Variants in KCTD5 observed in about 807,000 individuals in gnomAD.
KCTD5 encodes BTB/POZ domain-containing protein KCTD5.
A neutral mutation model predicts 27.9 loss-of-function variants in KCTD5; 12 were observed. The observed-to-expected ratio is 0.43, with a 90% CI of 0.28 to 0.70. The LOEUF (loss-of-function observed/expected upper bound fraction) is 0.70, where lower values mean the gene tolerates loss of function less well. Among genes scored for constraint, KCTD5 ranks in the 30% least tolerant of loss-of-function variants. The pLI is 0.19. For synonymous variants in KCTD5, 147 were observed against 121.4 expected (o/e 1.21, Z -1.39); for missense variants, 226 against 274.8 (o/e 0.82, Z 1.26).
At chr16:2,692,854 T>G (rs1011962443) in intron 1 of KCTD5, among the ~76,000 whole-genome samples, 4 of 152,242 alleles carry the variant, frequency 2.6e-5, no homozygotes, top group African/African-American at 9.6e-5. Flanking sequence ...AGCAGGCACT[T>G]CTGAGCCTGC....
At chr16:2,700,815 T>C (rs2067608339) in intron 4 of KCTD5, among the ~76,000 whole-genome samples, 1 of 133,434 alleles carries the variant, frequency 7.5e-6, no homozygotes, top group African/African-American at 2.9e-5. Flanking sequence ...CCCCCCCCCC[T>C]TAAAATGTCA....
At position 2,702,333 on chromosome 16, in the gene KCTD5, C is replaced by T. The variant is rs752313927; in HGVS notation, c.550-20C>T. 7 of 1,613,202 alleles carry T rather than the reference C, an allele frequency of 4.3e-6. No homozygotes were observed. In the Admixed American group the frequency reaches 6.7e-5, roughly 15 times the overall value. On this transcript the variant is annotated intron_variant, in intron 4 of 5. Coordinates refer to ENST00000301738, the MANE Select transcript of KCTD5 (RefSeq NM_018992.4). Reference sequence around the variant, plus strand: ...TCTCAGGCTTCACTGGGCTGCGTCTCAGGCTATGTCTCCTTGCAGTTGGTC... The same window carrying T: ...TCTCAGGCTTCACTGGGCTGCGTCTTAGGCTATGTCTCCTTGCAGTTGGTC...
chr16:2,688,462 G>A (rs1185161019), intron 1 of KCTD5, among the ~76,000 whole-genome samples: 1 of 151,988 alleles, frequency 6.6e-6, no homozygotes, highest in African/African-American at 2.4e-5. Flanking sequence ...TGTTGGCCAG[G>A]CTGGTCTCGA....
chr16:2,707,562 G>C lies in KCTD5; in HGVS notation c.*235G>C, dbSNP rs1309044554. On this transcript the variant is annotated 3_prime_UTR_variant, in exon 6 of 6. Coordinates refer to ENST00000301738, the MANE Select transcript of KCTD5 (RefSeq NM_018992.4). The stretch of plus-strand genomic sequence containing the variant: ...GCGGCCGGGTGGGCGCTGCCTCTTG[G>C]GGGGGCCTCGCTCTGTTTTTTCCAA... 36 of 633,330 alleles carry C rather than the reference G, an allele frequency of 5.7e-5. No individual in the cohort carries two copies. In the East Asian group the frequency reaches 7.9e-4, roughly 14 times the overall value. The allele number at this position is 633,330 out of a possible 1,614,324, so 39.2% of individuals were successfully genotyped here.
chr16:2,702,351 A>C lies in KCTD5; in HGVS notation c.550-2A>C. 6.2e-7 allele frequency: 1 copy of C among 1,613,392 alleles called. No individual in the cohort carries two copies. The highest frequency in any genetic ancestry group is 8.5e-7 in the Non-Finnish European group (1 of 1,179,916). On this transcript the variant is annotated splice_acceptor_variant, in intron 4 of 5. Coordinates refer to ENST00000301738, the MANE Select transcript of KCTD5 (RefSeq NM_018992.4). LOFTEE classifies it high-confidence loss of function. ...TGCGTCTCAGGCTATGTCTCCTTGC[A>C]GTTGGTCAGCATCGGCTCCTCTTAC... is the stretch of plus-strand genomic sequence containing the variant.
chr16:2,699,917 G>T lies in KCTD5; in HGVS notation c.549+1G>T. 6.2e-7 allele frequency: 1 copy of T among 1,613,674 alleles called. No homozygotes were observed. Among genetic ancestry groups the T allele is most frequent in the Non-Finnish European group, 8.5e-7 (1 of 1,179,860 alleles). On this transcript the variant is annotated splice_donor_variant, in intron 4 of 5. Coordinates refer to ENST00000301738, the MANE Select transcript of KCTD5 (RefSeq NM_018992.4). LOFTEE classifies it high-confidence loss of function. ...GTCCGACGGCTGGAAGTTCGAGCAG[G>T]TGAGGGGCCCTGGCCAGCCTGGTGG...
chr16:2,698,857 A>G lies in KCTD5; in HGVS notation c.453+860A>G, dbSNP rs1365760066. Among the ~76,000 whole-genome samples, 7 of 152,074 alleles carry G rather than the reference A, an allele frequency of 4.6e-5. No homozygotes were observed. In the East Asian group the frequency reaches 1.3e-3, roughly 29 times the overall value. ...GGAGCTGCGTCCCGCGCCCCGGGTCACCTTGTCCAGTCTGCTTTTTTCCCT... is the reference window on the plus strand; with the variant it reads ...GGAGCTGCGTCCCGCGCCCCGGGTCGCCTTGTCCAGTCTGCTTTTTTCCCT... On this transcript the variant is annotated intron_variant, in intron 3 of 5. Coordinates refer to ENST00000301738, the MANE Select transcript of KCTD5 (RefSeq NM_018992.4).
chr16:2,708,185 G>T lies in KCTD5; in HGVS notation c.*858G>T, dbSNP rs2067646070. On this transcript the variant is annotated 3_prime_UTR_variant, in exon 6 of 6. Coordinates refer to ENST00000301738, the MANE Select transcript of KCTD5 (RefSeq NM_018992.4). ...GGCATAGAGGTTGGGCTGGAGGCCT[G>T]TCCACTGGCTTCTGGAGCTGAAGGT... The T allele has an allele frequency of 6.5e-6, 1 of 152,732 alleles. No individual in the cohort carries two copies. The allele number at this position is 152,732 out of a possible 1,614,324, so 9.5% of individuals were successfully genotyped here. A position where few individuals can be genotyped will look rare whatever the true frequency, so the allele number is the denominator to read the frequency against.
chr16:2,693,846 G>A (rs1337766130), intron 1 of KCTD5, among the ~76,000 whole-genome samples: 6 of 150,182 alleles, frequency 4.0e-5, no homozygotes, highest in African/African-American at 9.8e-5. Context: ...CCTTTTGCTC[G>A]TAAAGAAACT....
chr16:2,700,048 C>T (rs548326051), intron 4 of KCTD5, 132 bp downstream of exon 4: 5 of 775,304 alleles, frequency 6.4e-6, no homozygotes, highest in African/African-American at 1.7e-5. Context: ...GGGGTGCTCA[C>T]GGCAGCGACC....
At chr16:2,698,987 T>C (rs2067599125) in intron 3 of KCTD5, among the ~76,000 whole-genome samples, 1 of 152,214 alleles carries the variant, frequency 6.6e-6, no homozygotes. Context: ...GGTCCAGCCT[T>C]GCTGTGACAC....
At chr16:2,693,352 C>G (rs1474869684) in intron 1 of KCTD5, among the ~76,000 whole-genome samples, 1 of 152,262 alleles carries the variant, frequency 6.6e-6, no homozygotes, top group African/African-American at 2.4e-5. Context: ...CGCACTGGGC[C>G]AGCTGTGGCC....
At position 2,687,740 on chromosome 16, in the gene KCTD5, AG is replaced by A. The variant is rs201883396; in HGVS notation, c.252+4941del. Among the ~76,000 whole-genome samples, 709 of 150,814 alleles carry A rather than the reference AG, an allele frequency of 4.7e-3. 7 individuals are homozygous for A. The highest frequency in any genetic ancestry group is 8.3e-3 in the Non-Finnish European group (563 of 67,642). ...TTGTAGGCACTTTGGTTCTTTTAGC[AG>A]CCCCCCTCCACGCCCCAGGTAAGCA... On this transcript the variant is annotated intron_variant, in intron 1 of 5. Transcript: ENST00000301738.
At chr16:2,683,066 T>TTTGC (rs1300382127) in intron 1 of KCTD5, 3 of 426,282 alleles carry the variant, frequency 7.0e-6, no homozygotes, top group Non-Finnish European at 1.2e-5. Context: ...CCTCGCCCTC[T>TTTGC]TTGCTCTTTG....
In KCTD5 at chr16:2,707,492, G is replaced by C. The variant is rs577676671; in HGVS notation, c.*165G>C. 9.0e-5 allele frequency: 70 copies of C among 777,180 alleles called. No homozygotes were observed. Among genetic ancestry groups the C allele is most frequent in the Non-Finnish European group, 1.4e-4 (63 of 445,422 alleles). The allele number at this position is 777,180 out of a possible 1,614,324, so 48.1% of individuals were successfully genotyped here. A position where few individuals can be genotyped will look rare whatever the true frequency, so the allele number is the denominator to read the frequency against. On this transcript the variant is annotated 3_prime_UTR_variant, in exon 6 of 6. Coordinates refer to ENST00000301738, the MANE Select transcript of KCTD5 (RefSeq NM_018992.4). ...CCTCTGAGGTGGGTGGTGAGAGACG[G>C]GCCCAGCTGTCCAAGGCCAGACGTC...
chr16:2,691,010 G>C (rs1197405107), intron 1 of KCTD5, among the ~76,000 whole-genome samples: 1 of 152,224 alleles, frequency 6.6e-6, no homozygotes, highest in East Asian at 1.9e-4. Flanking sequence ...CTGGGCCTGG[G>C]CTGGCACCAC....
intron 2 of KCTD5, among the ~76,000 whole-genome samples, chr16:2,697,619 G>C (rs1229005477): frequency 6.6e-6 from 1 of 152,254 alleles, no homozygotes; most frequent in African/African-American, 2.4e-5. Context: ...CTCCATACCT[G>C]GCGGGTCACT....
At chr16:2,692,975 C>T (rs982959693) in intron 1 of KCTD5, among the ~76,000 whole-genome samples, 8 of 152,252 alleles carry the variant, frequency 5.3e-5, no homozygotes, top group East Asian at 1.9e-4. Context: ...GCGGGAAGCC[C>T]GGGTCTGCAG....
chr16:2,698,851 C>T (rs8048298), intron 3 of KCTD5, among the ~76,000 whole-genome samples: 9 of 152,320 alleles, frequency 5.9e-5, no homozygotes, highest in Non-Finnish European at 1.3e-4. Context: ...TCCCGCGCCC[C>T]GGGTCACCTT....
Sources: gnomAD v4.1 joint callset for allele counts (sites outside exome capture counted in the v4.1 genomes callset) on GRCh38, gnomAD v4.1.1 for gene constraint, MANE v1.5 for transcripts, NCBI Gene and HGNC (gene_info 2026-07-23, HGNC 2026-07-21) for gene names.